Variants in NDST4 observed in about 807,000 individuals in gnomAD.
The protein encoded by NDST4 is N-deacetylase and N-sulfotransferase 4, also known as N-heparan sulfate sulfotransferase 4.
A neutral mutation model predicts 100.8 loss-of-function variants in NDST4; 63 were observed. The observed-to-expected ratio is 0.62, with a 90% confidence interval of 0.51 to 0.77. NDST4 has a LOEUF of 0.77. Among genes scored for constraint, NDST4 ranks in the 30% least tolerant of loss-of-function variants. NDST4 has a pLI of 0.00. For missense variants in NDST4, 943 were observed against 1,018.4 expected, an observed-to-expected ratio of 0.93 and a Z score of 1.01; for synonymous variants, 377 against 361.8, an observed-to-expected ratio of 1.04 and a Z score of -0.48.
chr4:115,096,711 T>C (rs1419959636), intron 1 of NDST4, among the ~76,000 whole-genome samples: 1 of 152,078 alleles, frequency 6.6e-6, no homozygotes, highest in Non-Finnish European at 1.5e-5. Context: ...TCGACTAAAA[T>C]ATCCATTCTA....
Position 114,970,569 on chromosome 4 carries a change from T to A in NDST4, c.1082A>T (p.Asp361Val), listed in dbSNP as rs1419417599. Residue 361 changes from aspartate (D) to valine (V), a missense_variant, in exon 4 of 14, where the codon GAT becomes GTT. Physicochemically the swap from Asp to Val is radical, Grantham distance 152. Around this residue, in one of 2 missense-constraint regions of NDST4, gnomAD observed 526 missense variants for 634.1 expected, o/e 0.83. Transcript: ENST00000264363. ...CCGAAGTAAAAGGTCATCTCCTTCA[T>A]CTTCCTCTTCAGTCCCTTTAAAACA... ...KFYHTGTEEE[D>V]EGDDLLLRSV... is the part of the protein sequence containing the mutation. 6.2e-7 allele frequency: 1 copy of A among 1,613,624 alleles called. No individual in the cohort carries two copies. The highest frequency in any genetic ancestry group is 1.7e-5 in the Admixed American group (1 of 59,980).
intron 2 of NDST4, among the ~76,000 whole-genome samples, chr4:115,016,259 G>A (rs1727674542): frequency 6.6e-6 from 1 of 152,020 alleles, no homozygotes; most frequent in Non-Finnish European, 1.5e-5. Context: ...CAAGTAGGTG[G>A]CAATTCTTTG....
At chr4:114,921,232 C>T (rs1299714945) in intron 6 of NDST4, among the ~76,000 whole-genome samples, 2 of 152,010 alleles carry the variant, frequency 1.3e-5, no homozygotes, top group Non-Finnish European at 2.9e-5. Flanking sequence ...TTTAGAGCAA[C>T]CAAGCAAGTA....
At chr4:114,906,301 A>G (rs1343995602) in intron 6 of NDST4, among the ~76,000 whole-genome samples, 16 of 152,142 alleles carry the variant, frequency 1.1e-4, no homozygotes, top group Admixed American at 7.9e-4. Context: ...ATATATCTGG[A>G]GTTGGATGAT....
Position 114,857,336 on chromosome 4 carries a change from T to C in NDST4, c.1720-4515A>G, listed in dbSNP as rs571836713. On this transcript the variant is annotated intron_variant, in intron 7 of 13. Transcript: ENST00000264363. Reference sequence around the variant, plus strand: ...CTACCCACCATGAACTGAATAGTGATAGACCCATCAAATCATAAATTCAGG... The same window carrying C: ...CTACCCACCATGAACTGAATAGTGACAGACCCATCAAATCATAAATTCAGG... Among the ~76,000 whole-genome samples the C allele has an allele frequency of 4.6e-5, 7 of 152,280 alleles. No homozygotes were observed. The East Asian group carries it at 1.4e-3, about 29-fold the overall frequency.
chr4:115,018,759 C>G (rs1483670411), intron 2 of NDST4, among the ~76,000 whole-genome samples: 1 of 151,686 alleles, frequency 6.6e-6, no homozygotes, highest in Non-Finnish European at 1.5e-5. Flanking sequence ...GGGCTAAGCA[C>G]TTATAAAATT....
At chr4:115,039,274 TC>T (rs2126273280) in intron 2 of NDST4, among the ~76,000 whole-genome samples, 1 of 152,186 alleles carries the variant, frequency 6.6e-6, no homozygotes, top group Admixed American at 6.5e-5. Flanking sequence ...CCACTGGAAA[TC>T]ATTGCACATC....
At chr4:115,078,765 G>A (rs534480863) in intron 1 of NDST4, among the ~76,000 whole-genome samples, 31 of 152,008 alleles carry the variant, frequency 2.0e-4, no homozygotes, top group Admixed American at 1.3e-3. Flanking sequence ...GCTTGAACCC[G>A]GGAGGCGGAA....
chr4:114,904,431 T>C (rs941987553), intron 6 of NDST4, among the ~76,000 whole-genome samples: 2 of 151,932 alleles, frequency 1.3e-5, no homozygotes, highest in South Asian at 4.1e-4. Flanking sequence ...ATTATTCTCA[T>C]TAATAACCTA....
At chr4:115,054,366 G>A (rs1728649003) in intron 2 of NDST4, among the ~76,000 whole-genome samples, 1 of 152,014 alleles carries the variant, frequency 6.6e-6, no homozygotes, top group Non-Finnish European at 1.5e-5. Context: ...ATGACTTGGT[G>A]TATTTACTTA....
chr4:114,918,170 G>T (rs1407291455), intron 6 of NDST4, among the ~76,000 whole-genome samples: 1 of 151,928 alleles, frequency 6.6e-6, no homozygotes, highest in African/African-American at 2.4e-5. Context: ...AGTCAAACTT[G>T]TGCCAACTTT....
At position 114,858,022 on chromosome 4, in the gene NDST4, T is replaced by C. The variant is rs561628459; in HGVS notation, c.1720-5201A>G. On this transcript the variant is annotated intron_variant, in intron 7 of 13. Transcript: ENST00000264363. ...ATTCCTACGTGTTGCCTAACCTCTG[T>C]TGTCAACTAACCCAGAGCTAATGCA... 7.1e-4 allele frequency among the ~76,000 whole-genome samples: 108 copies of C among 152,250 alleles called. 1 individual carries two copies. In the South Asian group the frequency reaches 9.5e-3, roughly 13 times the overall value.
Position 114,841,555 on chromosome 4 carries a change from T to A in NDST4, c.2116-2007A>T, listed in dbSNP as rs1452006222. Among the ~76,000 whole-genome samples, 4 of 152,234 alleles carry A rather than the reference T, an allele frequency of 2.6e-5. No homozygotes were observed. In the East Asian group the frequency reaches 7.7e-4, roughly 29 times the overall value. ...ACACATCATAAAGATTCTCTTTTAT[T>A]GAACTGGTTTAATCTATGTGGAAAA... On this transcript the variant is annotated intron_variant, in intron 10 of 13. Coordinates refer to ENST00000264363, the MANE Select transcript of NDST4 (RefSeq NM_022569.3).
At chr4:115,054,874 C>T (rs1728659574) in intron 2 of NDST4, among the ~76,000 whole-genome samples, 1 of 152,096 alleles carries the variant, frequency 6.6e-6, no homozygotes, top group East Asian at 1.9e-4. Flanking sequence ...CATCTTTTGA[C>T]ATGGAAGGTT....
At chr4:115,081,826 G>A (rs1729311936) in intron 1 of NDST4, among the ~76,000 whole-genome samples, 1 of 152,222 alleles carries the variant, frequency 6.6e-6, no homozygotes, top group African/African-American at 2.4e-5. Flanking sequence ...CCCTTATATG[G>A]TGATGTTGAC....
At chr4:115,053,356 T>C (rs1560581920) in intron 2 of NDST4, among the ~76,000 whole-genome samples, 2 of 152,268 alleles carry the variant, frequency 1.3e-5, no homozygotes, top group East Asian at 3.9e-4. Context: ...AATGATGAGA[T>C]AATTGTCTCA....
At chr4:115,097,171 A>G (rs1048979375) in intron 1 of NDST4, among the ~76,000 whole-genome samples, 1 of 152,042 alleles carries the variant, frequency 6.6e-6, no homozygotes, top group Non-Finnish European at 1.5e-5. Flanking sequence ...GGGATATCTT[A>G]CAATGTTCTA....
chr4:115,025,130 G>A (rs1727955530), intron 2 of NDST4, among the ~76,000 whole-genome samples: 1 of 152,138 alleles, frequency 6.6e-6, no homozygotes, highest in African/African-American at 2.4e-5. Flanking sequence ...TGTAATAGCA[G>A]CACAAAACAA....
chr4:114,913,390 T>C (rs1159490974), intron 6 of NDST4, among the ~76,000 whole-genome samples: 1 of 152,036 alleles, frequency 6.6e-6, no homozygotes, highest in Non-Finnish European at 1.5e-5. Flanking sequence ...GTGGTGCTTC[T>C]CAAACTTTGG....
Sources: allele counts gnomAD v4.1 joint callset (sites outside exome capture counted in the v4.1 genomes callset), GRCh38; gene constraint gnomAD v4.1.1; regional missense constraint gnomAD v4.1.1; transcripts MANE v1.5; gene names NCBI Gene and HGNC (gene_info 2026-07-23, HGNC 2026-07-21).